The following DNAH5 variants were observed in gnomAD, a reference collection of about 807,000 sequenced individuals.
The protein encoded by DNAH5 is axonemal beta dynein heavy chain 5.
A neutral mutation model predicts 518.2 loss-of-function variants in DNAH5; 372 were observed. The ratio of observed to expected loss-of-function variants is 0.72; its 90% CI spans 0.66 to 0.78. The LOEUF (loss-of-function observed/expected upper bound fraction) is 0.78, where lower values mean the gene tolerates loss of function less well. Ranked by LOEUF, DNAH5 falls within the 30% of genes least tolerant of loss-of-function variation. The pLI is 0.00. For synonymous variants in DNAH5, 2,039 were observed against 2,025.9 expected (o/e 1.01, Z -0.17); for missense variants, 5,523 against 5,687.0 (o/e 0.97, Z 0.93).
intron 71 of DNAH5, 141 bp downstream of exon 71, chr5:13,720,859 T>C: frequency 1.7e-6 from 2 of 1,193,018 alleles, no homozygotes; most frequent in Non-Finnish European, 2.3e-6. Context: ...TTAGCTTAAA[T>C]TTAAAAAAAA....
At position 13,996,354 on chromosome 5, in the gene DNAH5, T is replaced by C. The variant is rs112999257; in HGVS notation, c.12+15294A>G. Reference sequence around the variant, plus strand: ...ATGTCTTTCTCACATACAGAATACATTCATTCCATCCCAATAGTCCCAAAA... The same window carrying C: ...ATGTCTTTCTCACATACAGAATACACTCATTCCATCCCAATAGTCCCAAAA... On this transcript the variant is annotated intron_variant, in intron 1 of 78. Coordinates refer to the DNAH5 transcript ENST00000681290. 3.7e-3 allele frequency among the ~76,000 whole-genome samples: 557 copies of C among 152,230 alleles called. 3 individuals carry two copies. Among genetic ancestry groups the C allele is most frequent in the African/African-American group, 0.013 (528 of 41,550 alleles).
At chr5:13,874,044 TG>T (rs1316597877) in intron 22 of DNAH5, among the ~76,000 whole-genome samples, 1 of 152,166 alleles carries the variant, frequency 6.6e-6, no homozygotes, top group Non-Finnish European at 1.5e-5. Flanking sequence ...ACAGCTAAAA[TG>T]TCCCTCCGAG....
chr5:13,849,803 T>C (rs559219122), intron 31 of DNAH5, among the ~76,000 whole-genome samples: 41 of 152,278 alleles, frequency 2.7e-4, no homozygotes, highest in African/African-American at 9.9e-4. Flanking sequence ...TTTAGCATAG[T>C]CACTTTTTTT....
intron 19 of DNAH5, among the ~76,000 whole-genome samples, chr5:13,883,681 T>A (rs1039935243): frequency 2.0e-5 from 3 of 152,218 alleles, no homozygotes; most frequent in South Asian, 2.1e-4. Context: ...TGTCTGTGTA[T>A]CATGCATAAC....
At chr5:13,947,570 A>G (rs1008658144), upstream of DNAH5, among the ~76,000 whole-genome samples, 1 of 152,212 alleles carries the variant, frequency 6.6e-6, no homozygotes, top group Non-Finnish European at 1.5e-5. Flanking sequence ...TTATGGCAAT[A>G]TCAATGGAGA....
At chr5:13,731,971 A>G (rs1202889179) in intron 68 of DNAH5, among the ~76,000 whole-genome samples, 1 of 152,140 alleles carries the variant, frequency 6.6e-6, no homozygotes, top group Non-Finnish European at 1.5e-5. Flanking sequence ...CATCTCTACA[A>G]AAAATTTAAA....
intron 57 of DNAH5, 21 bp downstream of exon 57, chr5:13,769,471 AATGTGGCAC>A: frequency 6.4e-7 from 1 of 1,551,520 alleles, no homozygotes. Flanking sequence ...ATTCAAAAGG[AATGTGGCAC>A]ATGTGTAAAT....
chr5:13,928,055 T>C, intron 3 of DNAH5, 39 bp downstream of exon 3: 1 of 1,516,944 alleles, frequency 6.6e-7, no homozygotes, highest in Non-Finnish European at 9.2e-7. Context: ...ATAAATCTAA[T>C]AACACATTTC....
intron 65 of DNAH5, among the ~76,000 whole-genome samples, chr5:13,742,865 A>G (rs1292380622): frequency 6.6e-6 from 1 of 152,088 alleles, no homozygotes; most frequent in East Asian, 1.9e-4. Context: ...AATAGAAACA[A>G]GTGGCCAAAT....
rs746819760 is a variant in DNAH5 at position 13,913,777 on chromosome 5, A to T, written c.1502T>A (p.Ile501Asn). Residue 501 changes from isoleucine to asparagine, a missense_variant, in exon 11 of 79, where the codon ATT becomes AAT. Physicochemically the swap from Ile to Asn is moderately radical, Grantham distance 149 (BLOSUM62 -3). This residue lies in a region of DNAH5 where 5,121 missense variants were observed against 5,223.3 expected (regional missense o/e 0.98). Coordinates refer to ENST00000265104, the MANE Select transcript of DNAH5 (RefSeq NM_001369.3). ...AGTGGCCATGTCTTCCAGCCCTTCAATTGTGGAATCTTGCAGGACTGAATA... is the reference window on the plus strand; with the variant it reads ...AGTGGCCATGTCTTCCAGCCCTTCATTTGTGGAATCTTGCAGGACTGAATA... ...KTYSVLQDST[I>N]EGLEDMATKY... 2 of 1,613,506 alleles carry T rather than the reference A, an allele frequency of 1.2e-6. No individual in the cohort carries two copies. The highest frequency in any genetic ancestry group is 1.7e-6 in the Non-Finnish European group (2 of 1,179,510).
intron 1 of DNAH5, among the ~76,000 whole-genome samples, chr5:13,940,727 T>G (rs1779381792): frequency 6.6e-6 from 1 of 152,028 alleles, no homozygotes; most frequent in African/African-American, 2.4e-5. Flanking sequence ...GACCGAGTTC[T>G]CACTTGAGGT....
At chr5:13,863,193 C>T (rs1277998658) in intron 28 of DNAH5, among the ~76,000 whole-genome samples, 2 of 152,118 alleles carry the variant, frequency 1.3e-5, no homozygotes, top group East Asian at 1.9e-4. Context: ...TCCTCATGGC[C>T]TCAACCTTCT....
At chr5:13,921,147 T>C (rs1777213012) in intron 5 of DNAH5, among the ~76,000 whole-genome samples, 1 of 152,136 alleles carries the variant, frequency 6.6e-6, no homozygotes, top group South Asian at 2.1e-4. Flanking sequence ...AACCTGCAAT[T>C]TGGTCTGCCC....
At chr5:13,968,154 T>G (rs1781651183) in intron 1 of DNAH5, among the ~76,000 whole-genome samples, 1 of 152,172 alleles carries the variant, frequency 6.6e-6, no homozygotes, top group South Asian at 2.1e-4. Flanking sequence ...ATAGCAGTAC[T>G]ACTGATTTGT....
At position 13,721,028 on chromosome 5, in the gene DNAH5, C is replaced by G; in HGVS notation, c.12251G>C (p.Arg4084Pro). The change falls in exon 71 of 79, where the codon CGG becomes CCG. Residue 4084 changes from arginine to proline, a missense_variant. By Grantham distance (103) the Arg-to-Pro change is moderately radical. Around this residue, in one of 3 missense-constraint regions of DNAH5, gnomAD observed 5,121 missense variants for 5,223.3 expected, o/e 0.98. Coordinates refer to ENST00000265104, the MANE Select transcript of DNAH5 (RefSeq NM_001369.3). ...SMGQGQEVHA[R>P]KLLQQTMANG... ...CGCCATGGTCTGCTGCAAGAGCTTC[C>G]GAGCATGGACTTCCTGGCCCTGGCC... The G allele has an allele frequency of 6.2e-7, 1 of 1,614,066 alleles. No individual in the cohort carries two copies. Among genetic ancestry groups the G allele is most frequent in the Non-Finnish European group, 8.5e-7 (1 of 1,179,978 alleles).
intron 12 of DNAH5, among the ~76,000 whole-genome samples, chr5:13,909,986 T>G (rs773240177): frequency 3.3e-5 from 5 of 152,208 alleles, no homozygotes; most frequent in Non-Finnish European, 7.3e-5. Context: ...ACATATAAGC[T>G]ACAGAAGTAC....
chr5:14,006,367 CAG>C lies in DNAH5; in HGVS notation c.12+5279_12+5280del, dbSNP rs1784725756. 2.0e-5 allele frequency among the ~76,000 whole-genome samples: 3 copies of C among 152,178 alleles called. 1 individual carries two copies. The highest frequency in any genetic ancestry group is 7.2e-5 in the African/African-American group (3 of 41,426). ...CTCAGGATGCCGTCACCAAATCCCA[CAG>C]ACTTGGTGCTTAAATACCAGAAATT... On this transcript the variant is annotated intron_variant, in intron 1 of 78. Transcript: ENST00000681290.
In DNAH5 at chr5:13,776,660, T is replaced by A; in HGVS notation, c.9152A>T (p.Asp3051Val). ...ARDEIDEINS[D>V]LASVMKKEFP... ...TTCTTTTTTCATGACTGATGCCAGGTCGCTATTAATTTCATCAATTTCATC... is the reference window on the plus strand; with the variant it reads ...TTCTTTTTTCATGACTGATGCCAGGACGCTATTAATTTCATCAATTTCATC... The change falls in exon 55 of 79, where the codon GAC becomes GTC. Residue 3051 changes from aspartate (D) to valine (V), a missense_variant. Asp to Val is a radical substitution (Grantham distance 152). Transcript: ENST00000265104. 6.2e-7 allele frequency: 1 copy of A among 1,613,826 alleles called. No homozygotes were observed. Among genetic ancestry groups the A allele is most frequent in the Non-Finnish European group, 8.5e-7 (1 of 1,179,800 alleles).
chr5:13,847,944 T>C (rs1246464405), intron 31 of DNAH5, among the ~76,000 whole-genome samples: 3 of 152,308 alleles, frequency 2.0e-5, no homozygotes, highest in East Asian at 1.9e-4. Context: ...TCCTTCCATG[T>C]TGAAGAACCT....
Sources: gnomAD v4.1 joint callset for allele counts (sites outside exome capture counted in the v4.1 genomes callset) on GRCh38, gnomAD v4.1.1 for gene constraint, gnomAD v4.1.1 regional missense constraint, MANE v1.5 for transcripts, NCBI Gene and HGNC (gene_info 2026-07-23, HGNC 2026-07-21) for gene names.